The following DOCK4 variants were observed in gnomAD, a reference collection of about 807,000 sequenced individuals.
The protein encoded by DOCK4 is dedicator of cytokinesis 4.
In DOCK4, 97 loss-of-function variants were observed where a neutral mutation model predicts 268.1. The ratio of observed to expected loss-of-function variants is 0.36; its 90% CI spans 0.31 to 0.43. DOCK4 has a LOEUF of 0.43. Among genes scored for constraint, DOCK4 ranks in the 20% least tolerant of loss-of-function variants. DOCK4 has a pLI of 1.00. For synonymous variants in DOCK4, 954 were observed against 887.2 expected (o/e 1.08, Z -1.34); for missense variants, 2,145 against 2,455.7 (o/e 0.87, Z 2.67).
At chr7:112,047,708 A>G (rs1411403762) in intron 1 of DOCK4, among the ~76,000 whole-genome samples, 1 of 152,046 alleles carries the variant, frequency 6.6e-6, no homozygotes, top group African/African-American at 2.4e-5. Flanking sequence ...TATTTATTGG[A>G]GATGGAGTCT....
At chr7:111,753,444 C>T (rs1415949016) in intron 42 of DOCK4, among the ~76,000 whole-genome samples, 2 of 152,154 alleles carry the variant, frequency 1.3e-5, no homozygotes, top group African/African-American at 4.8e-5. Context: ...CACTGCACTC[C>T]AGCCTGGGTG....
At chr7:111,733,959 G>A (rs1795291347) in intron 51 of DOCK4, among the ~76,000 whole-genome samples, 1 of 152,118 alleles carries the variant, frequency 6.6e-6, no homozygotes. Flanking sequence ...GTGTTTTGTG[G>A]CAAGGTCTCA....
At chr7:111,920,606 A>T (rs1793021983) in intron 12 of DOCK4, among the ~76,000 whole-genome samples, 1 of 152,102 alleles carries the variant, frequency 6.6e-6, no homozygotes, top group Admixed American at 6.5e-5. Flanking sequence ...GGTTGGGGCA[A>T]CTTCTTAAAT....
At chr7:111,875,546 A>G (rs546487968) in intron 17 of DOCK4, among the ~76,000 whole-genome samples, 1 of 152,378 alleles carries the variant, frequency 6.6e-6, no homozygotes, top group African/African-American at 2.4e-5. Context: ...AGATCTGATT[A>G]AAGATCTTAA....
chr7:112,168,028 A>C (rs1321069960), intron 1 of DOCK4, among the ~76,000 whole-genome samples: 1 of 152,082 alleles, frequency 6.6e-6, no homozygotes, highest in Non-Finnish European at 1.5e-5. Flanking sequence ...GAATCATTGA[A>C]TCTACCACAT....
At chr7:111,731,041 T>A (rs1049499789) in intron 52 of DOCK4, among the ~76,000 whole-genome samples, 3 of 152,136 alleles carry the variant, frequency 2.0e-5, no homozygotes, top group African/African-American at 7.2e-5. Flanking sequence ...AATGTAAAAG[T>A]GCGGAAAAGC....
In DOCK4 at chr7:111,961,514, T is replaced by C. The variant is rs192760524; in HGVS notation, c.701+15618A>G. ...TCCCTCACCTTTGGGAGGATAAACC[T>C]ATACTTATTTAGAATTTCCAGGAAG... On this transcript the variant is annotated intron_variant, in intron 8 of 52. Coordinates refer to ENST00000428084, the MANE Select transcript of DOCK4 (RefSeq NM_001363540.2). 5.2e-3 allele frequency among the ~76,000 whole-genome samples: 786 copies of C among 152,330 alleles called. 4 individuals carry two copies. The highest frequency in any genetic ancestry group is 0.018 in the African/African-American group (764 of 41,580).
At chr7:112,081,736 T>C (rs947366150) in intron 1 of DOCK4, among the ~76,000 whole-genome samples, 1 of 152,148 alleles carries the variant, frequency 6.6e-6, no homozygotes, top group African/African-American at 2.4e-5. Flanking sequence ...GCTGATTAAA[T>C]TAAATAATTT....
intron 8 of DOCK4, among the ~76,000 whole-genome samples, chr7:111,949,643 G>C (rs866016221): frequency 7.2e-6 from 1 of 139,682 alleles, no homozygotes; most frequent in Non-Finnish European, 1.6e-5. Flanking sequence ...AAAGAAAAAA[G>C]AAAAAAAAAA....
chr7:111,757,131 A>T (rs138932282), intron 41 of DOCK4, among the ~76,000 whole-genome samples: 1 of 151,672 alleles, frequency 6.6e-6, no homozygotes, highest in Non-Finnish European at 1.5e-5. Context: ...GCTGAGAGGG[A>T]GGAGGGGTGA....
At chr7:111,882,609 C>T (rs1454813085) in intron 16 of DOCK4, among the ~76,000 whole-genome samples, 5 of 152,050 alleles carry the variant, frequency 3.3e-5, no homozygotes, top group African/African-American at 7.2e-5. Flanking sequence ...GTGTGACTCA[C>T]AATTTTTTTT....
chr7:111,890,702 C>T (rs1808217732), intron 16 of DOCK4, among the ~76,000 whole-genome samples: 1 of 152,130 alleles, frequency 6.6e-6, no homozygotes, highest in African/African-American at 2.4e-5. Context: ...TTCTTTAGAA[C>T]ACATTGAGAA....
chr7:111,860,446 C>G (rs1380578035), intron 23 of DOCK4, among the ~76,000 whole-genome samples: 1 of 152,194 alleles, frequency 6.6e-6, no homozygotes, highest in South Asian at 2.1e-4. Context: ...AGCAGCAAGC[C>G]ACATCCTGCT....
At chr7:111,846,935 A>G in intron 24 of DOCK4, 64 bp downstream of exon 24, 5 of 1,541,854 alleles carry the variant, frequency 3.2e-6, no homozygotes, top group South Asian at 1.3e-5. Context: ...TTTGTAGACT[A>G]TTACAAGTTT....
At chr7:112,053,342 G>C (rs993422386) in intron 1 of DOCK4, among the ~76,000 whole-genome samples, 3 of 152,132 alleles carry the variant, frequency 2.0e-5, no homozygotes, top group African/African-American at 7.2e-5. Context: ...CAAACACAAG[G>C]CAAAGGAAAA....
chr7:112,002,856 C>A (rs1800538902), intron 2 of DOCK4, among the ~76,000 whole-genome samples: 1 of 152,098 alleles, frequency 6.6e-6, no homozygotes, highest in Non-Finnish European at 1.5e-5. Context: ...TCGAGGACAG[C>A]CTGGCCAACA....
At chr7:112,017,927 C>A (rs1801953725) in intron 1 of DOCK4, among the ~76,000 whole-genome samples, 1 of 151,856 alleles carries the variant, frequency 6.6e-6, no homozygotes, top group South Asian at 2.1e-4. Context: ...TACTTGTAAA[C>A]CTGGCATTCA....
intron 34 of DOCK4, 93 bp from the exon 35 acceptor site, chr7:111,783,017 A>G: frequency 2.2e-6 from 2 of 905,684 alleles, no homozygotes; most frequent in Non-Finnish European, 3.2e-6. Context: ...AAAGAAAGAA[A>G]GAAAAAAAAA....
chr7:112,141,380 G>C (rs80227508), intron 1 of DOCK4, among the ~76,000 whole-genome samples: 3 of 152,204 alleles, frequency 2.0e-5, no homozygotes, highest in Admixed American at 2.0e-4. Flanking sequence ...AACACTAATC[G>C]GGGTATTGCT....
Sources: allele counts gnomAD v4.1 joint callset (sites outside exome capture counted in the v4.1 genomes callset), GRCh38; gene constraint gnomAD v4.1.1; transcripts MANE v1.5; gene names NCBI Gene and HGNC (gene_info 2026-07-23, HGNC 2026-07-21).